SMYD1: variants seen among roughly 807,000 people sequenced by gnomAD.
SMYD1 encodes histone-lysine N-methyltransferase SMYD1.
Under a neutral mutation model 54.0 loss-of-function variants are expected in SMYD1, and 49 were observed. The observed-to-expected ratio is 0.91, with a 90% confidence interval of 0.72 to 1.15. The LOEUF (loss-of-function observed/expected upper bound fraction) is 1.15, where lower values mean the gene tolerates loss of function less well. Among genes scored for constraint, SMYD1 ranks in the 50% most tolerant of loss-of-function variants. The pLI, the probability that SMYD1 is intolerant of heterozygous loss-of-function variation, is 0.00. For synonymous variants in SMYD1, 269 were observed against 234.2 expected (o/e 1.15, Z -1.36); for missense variants, 653 against 639.6 (o/e 1.02, Z -0.23).
intron 4 of SMYD1, among the ~76,000 whole-genome samples, chr2:88,093,087 A>G (rs1024210719): frequency 2.0e-5 from 3 of 152,206 alleles, no homozygotes; most frequent in African/African-American, 7.2e-5. Context: ...CTGTGACCTA[A>G]CCAGACTCCA....
At chr2:88,105,190 C>T (rs1558858783) in intron 7 of SMYD1, among the ~76,000 whole-genome samples, 3 of 152,136 alleles carry the variant, frequency 2.0e-5, no homozygotes, top group South Asian at 4.1e-4. Context: ...GGTGAAGCTG[C>T]GGCTCAACTG....
At chr2:88,083,504 C>T (rs1674248283) in intron 1 of SMYD1, among the ~76,000 whole-genome samples, 1 of 152,188 alleles carries the variant, frequency 6.6e-6, no homozygotes, top group Non-Finnish European at 1.5e-5. Context: ...TCATCACTTC[C>T]ACCCTCGCTC....
chr2:88,085,541 C>T (rs961032977), intron 2 of SMYD1, among the ~76,000 whole-genome samples: 1 of 152,188 alleles, frequency 6.6e-6, no homozygotes, highest in African/African-American at 2.4e-5. Flanking sequence ...TTTTAGGAAC[C>T]TGCAGGATGA....
chr2:88,084,276 A>C, intron 1 of SMYD1, 40 bp from the exon 2 acceptor site: 1 of 1,523,604 alleles, frequency 6.6e-7, no homozygotes, highest in Non-Finnish European at 9.0e-7. Context: ...TGCCCTTTCC[A>C]CTGTGCTCCC....
rs78322431 is a variant in SMYD1, at chr2:88,100,197, A to G, written c.889-2861A>G. On this transcript the variant is annotated intron_variant, in intron 6 of 9. Transcript: ENST00000419482. ...TCTGAAGAGTGGAGCCAAGTGGAAC[A>G]GCCCCGTTTCCTTTCTCAGAGTAGA... Among the ~76,000 whole-genome samples, 1,031 of 152,294 alleles carry G rather than the reference A, an allele frequency of 6.8e-3. 12 individuals are homozygous for G. The highest frequency in any genetic ancestry group is 0.023 in the African/African-American group (956 of 41,564).
intron 7 of SMYD1, among the ~76,000 whole-genome samples, chr2:88,104,520 G>A (rs146954039): frequency 6.4e-4 from 98 of 152,312 alleles, no homozygotes; most frequent in African/African-American, 2.1e-3. Context: ...TCTCCTGTTC[G>A]TTTCTTCTCC....
chr2:88,086,833 CTT>C (rs531382481), intron 2 of SMYD1, among the ~76,000 whole-genome samples: 3 of 144,540 alleles, frequency 2.1e-5, no homozygotes, highest in African/African-American at 7.6e-5. Context: ...CCATCCCTAT[CTT>C]TTTTTTTTTT....
At chr2:88,086,675 C>T (rs999845322) in intron 2 of SMYD1, among the ~76,000 whole-genome samples, 1 of 152,172 alleles carries the variant, frequency 6.6e-6, no homozygotes, top group Non-Finnish European at 1.5e-5. Context: ...CTTTCTCACT[C>T]CCCAATCATT....
Position 88,087,851 on chromosome 2 carries a change from C to A in SMYD1, c.315-11C>A. 1 of 1,559,940 alleles carries A rather than the reference C, an allele frequency of 6.4e-7. No homozygotes were observed. On this transcript the variant is annotated splice_polypyrimidine_tract_variant and intron_variant, in intron 2 of 9. Transcript: ENST00000419482. ...AGCTGTAGTGGCCTCCTGACGCTGCCCTTCCCACAGGCTGGCGGCGCGCAT... is the reference window on the plus strand; with the variant it reads ...AGCTGTAGTGGCCTCCTGACGCTGCACTTCCCACAGGCTGGCGGCGCGCAT...
chr2:88,104,212 CG>C (rs1558858385), intron 7 of SMYD1, among the ~76,000 whole-genome samples: 1 of 152,138 alleles, frequency 6.6e-6, no homozygotes, highest in East Asian at 1.9e-4. Flanking sequence ...ATGATCTGCC[CG>C]CCTTGGCCTC....
chr2:88,097,038 C>A lies in SMYD1; in HGVS notation c.888+254C>A, dbSNP rs192226315. 2.0e-5 allele frequency among the ~76,000 whole-genome samples: 3 copies of A among 152,066 alleles called. No homozygotes were observed. In the East Asian group the frequency reaches 5.8e-4, roughly 29 times the overall value. ...CAACAGTAAAATAGGAATGATGGCCCCACTGCAAGAGGTTGTTATAAAGAT... is the reference window on the plus strand; with the variant it reads ...CAACAGTAAAATAGGAATGATGGCCACACTGCAAGAGGTTGTTATAAAGAT... On this transcript the variant is annotated intron_variant, in intron 6 of 9. Coordinates refer to ENST00000419482, the MANE Select transcript of SMYD1 (RefSeq NM_198274.4).
At chr2:88,088,404 G>A (rs577006586) in intron 3 of SMYD1, among the ~76,000 whole-genome samples, 2 of 152,256 alleles carry the variant, frequency 1.3e-5, no homozygotes, top group South Asian at 4.2e-4. Flanking sequence ...CATGGTGACA[G>A]CTGGGATCGT....
chr2:88,085,368 T>G (rs1478662710), intron 2 of SMYD1, among the ~76,000 whole-genome samples: 1 of 152,116 alleles, frequency 6.6e-6, no homozygotes, highest in Non-Finnish European at 1.5e-5. Flanking sequence ...TTCCCAATCC[T>G]GGAGGTTCCG....
rs79536140 is a variant in SMYD1, at chr2:88,088,987, A to G, written c.528+912A>G. The stretch of plus-strand genomic sequence containing the variant: ...AGCAGGCTGAGGACGGAGGAGGACA[A>G]ACATCACACTGACATCTCTCCAGTC... On this transcript the variant is annotated intron_variant, in intron 3 of 9. Coordinates refer to ENST00000419482, the MANE Select transcript of SMYD1 (RefSeq NM_198274.4). 3.6e-3 allele frequency among the ~76,000 whole-genome samples: 547 copies of G among 152,306 alleles called. 2 individuals are homozygous for G. Among genetic ancestry groups the G allele is most frequent in the Admixed American group, 5.5e-3 (84 of 15,304 alleles).
intron 7 of SMYD1, among the ~76,000 whole-genome samples, chr2:88,104,179 G>C (rs1158093778): frequency 6.6e-6 from 1 of 152,084 alleles, no homozygotes; most frequent in African/African-American, 2.4e-5. Flanking sequence ...TGTTAGCCAG[G>C]ATGGTCTCGA....
chr2:88,082,566 G>C (rs577028877), intron 1 of SMYD1: 1 of 154,498 alleles, frequency 6.5e-6, no homozygotes, highest in South Asian at 2.0e-4. Context: ...TGGCCTTTGG[G>C]CTGGTCCTTG....
Position 88,090,181 on chromosome 2 carries a change from A to C in SMYD1, c.529-831A>C, listed in dbSNP as rs113024816. On this transcript the variant is annotated intron_variant, in intron 3 of 9. Coordinates refer to ENST00000419482, the MANE Select transcript of SMYD1 (RefSeq NM_198274.4). ...CTAAATGTCTGATGAGAATAAATGG[A>C]GAAAGTGACACTCCTCCATATCTAT... is the stretch of plus-strand genomic sequence containing the variant. Among the ~76,000 whole-genome samples, 107 of 152,342 alleles carry C rather than the reference A, an allele frequency of 7.0e-4. No homozygotes were observed. The Middle Eastern group carries it at 0.01, about 15-fold the overall frequency.
At chr2:88,082,915 A>G (rs1230402801) in intron 1 of SMYD1, 2 of 152,156 alleles carry the variant, frequency 1.3e-5, no homozygotes, top group Admixed American at 6.5e-5. Flanking sequence ...GTTTGCAACA[A>G]TTAGGACTGG....
chr2:88,103,404 A>C (rs976755904), intron 7 of SMYD1, among the ~76,000 whole-genome samples: 3 of 152,132 alleles, frequency 2.0e-5, no homozygotes, highest in South Asian at 2.1e-4. Context: ...GCAGCCAGAC[A>C]CTTGTCCCTG....
Sources: gnomAD v4.1 joint callset for allele counts (sites outside exome capture counted in the v4.1 genomes callset) on GRCh38, gnomAD v4.1.1 for gene constraint, MANE v1.5 for transcripts, NCBI Gene and HGNC (gene_info 2026-07-23, HGNC 2026-07-21) for gene names.